The following USP11 variants were observed in gnomAD, a reference collection of about 807,000 sequenced individuals.
USP11 encodes the protein ubiquitin specific peptidase 11.
A neutral mutation model predicts 72.8 loss-of-function variants in USP11; 5 were observed. The ratio of observed to expected loss-of-function variants is 0.07; its 90% CI spans 0.04 to 0.14. USP11 has a LOEUF of 0.14. USP11 is among the 10% of genes least tolerant of loss of function. The pLI is 1.00. For synonymous variants in USP11, 368 were observed against 326.5 expected (o/e 1.13, Z -1.37); for missense variants, 480 against 794.7 (o/e 0.60, Z 4.76).
At chrX:47,233,872 T>C (rs2055358955) in intron 1 of USP11, 2 of 103,705 alleles carry the variant, frequency 1.9e-5, no homozygotes, top group Non-Finnish European at 4.1e-5. Context: ...CCGTGGTTTT[T>C]GATTCTGGCG....
chrX:47,242,388 TA>T (rs2055408063), intron 10 of USP11, 50 bp from the exon 11 acceptor site: 2 of 1,206,239 alleles, frequency 1.7e-6, no homozygotes, highest in African/African-American at 3.5e-5. Context: ...CTTCTTGCAT[TA>T]ACTCACCACA....
At chrX:47,242,821 C>T (rs1423162970) in intron 12 of USP11, 101 bp downstream of exon 12, 11 of 650,847 alleles carry the variant, frequency 1.7e-5, no homozygotes, top group Non-Finnish European at 2.5e-5. Flanking sequence ...CTGCCTCTGC[C>T]TCGTTCACTG....
In USP11 at chrX:47,244,556, G is replaced by A; in HGVS notation, c.1843+6G>A. On this transcript the variant is annotated splice_donor_region_variant and intron_variant, in intron 14 of 20. Transcript: ENST00000377107. ...GGACGATGGGGATGAGAAAGGTGAG[G>A]GGGCTAACAGTCAGTGGGCGGGGGC... 8.3e-7 allele frequency: 1 copy of A among 1,211,084 alleles called. No homozygotes were observed. The highest frequency in any genetic ancestry group is 2.2e-5 in the Admixed American group (1 of 45,940).
In USP11 at chrX:47,248,116, T is replaced by C; in HGVS notation, c.*186T>C. 1.6e-6 allele frequency: 1 copy of C among 635,746 alleles called. No individual in the cohort carries two copies. Among genetic ancestry groups the C allele is most frequent in the Non-Finnish European group, 2.3e-6 (1 of 437,907 alleles). The allele number at this position is 635,746 out of a possible 1,213,427, so 52.4% of individuals were successfully genotyped here. Reference sequence around the variant, plus strand: ...CCGGGAAAGAACAGGTCGTGTCTCCTCCTAGCAGTGCGCGCCCCGCCTGTG... The same window carrying C: ...CCGGGAAAGAACAGGTCGTGTCTCCCCCTAGCAGTGCGCGCCCCGCCTGTG... On this transcript the variant is annotated 3_prime_UTR_variant, in exon 21 of 21. Coordinates refer to ENST00000377107, the MANE Select transcript of USP11 (RefSeq NM_001371072.1).
At chrX:47,239,557 C>T in intron 3 of USP11, 76 bp downstream of exon 3, 1 of 1,169,314 alleles carries the variant, frequency 8.6e-7, no homozygotes, top group Non-Finnish European at 1.2e-6. Flanking sequence ...GGGTACAGAT[C>T]CATGTATGCT....
chrX:47,233,278 C>G (rs1335604720), intron 1 of USP11, 59 bp downstream of exon 1: 2 of 871,942 alleles, frequency 2.3e-6, no homozygotes, highest in African/African-American at 4.7e-5. Context: ...TTGACAACCG[C>G]TGGGGATTCG....
chrX:47,245,545 T>C (rs1233208853), intron 17 of USP11, 63 bp downstream of exon 17: 2 of 120,631 alleles, frequency 1.7e-5, no homozygotes, highest in Non-Finnish European at 3.0e-5. Flanking sequence ...TATATTTAGC[T>C]TTTTTTTTTT....
intron 4 of USP11, 41 bp downstream of exon 4, chrX:47,239,948 A>G (rs773096165): frequency 5.3e-6 from 6 of 1,122,461 alleles, no homozygotes; most frequent in South Asian, 1.8e-5. Context: ...GTTCCTAGCT[A>G]CTAGTCCCAA....
At chrX:47,244,202 G>A (rs1390113141) in intron 13 of USP11, among the ~76,000 whole-genome samples, 2 of 105,933 alleles carry the variant, frequency 1.9e-5, no homozygotes, top group African/African-American at 3.5e-5. Flanking sequence ...GGATTCAAGC[G>A]ATTCTCCTGC....
In USP11 at chrX:47,242,473, C is replaced by T. The variant is rs141092127; in HGVS notation, c.1439C>T (p.Ser480Leu). Reference sequence around the variant, plus strand: ...GTGGTCCCCAAGAAAGGCAAGATCTCGGATCTATGTGTGGCTCTGTCCAAA... The same window carrying T: ...GTGGTCCCCAAGAAAGGCAAGATCTTGGATCTATGTGTGGCTCTGTCCAAA... ...RLVVPKKGKI[S>L]DLCVALSKHT... The change falls in exon 11 of 21, where the codon TCG becomes TTG. Residue 480 changes from serine (S) to leucine (L), a missense_variant. Physicochemically the swap from Ser to Leu is moderately radical, Grantham distance 145. Around this residue, in one of 5 missense-constraint regions of USP11, gnomAD observed 314 missense variants for 556.0 expected, o/e 0.56. Transcript: ENST00000377107. 14 of 1,212,062 alleles carry T rather than the reference C, an allele frequency of 1.2e-5. No individual in the cohort carries two copies. Among genetic ancestry groups the T allele is most frequent in the Admixed American group, 4.3e-5 (2 of 46,084 alleles).
chrX:47,245,322 A>G (rs1365611457), intron 16 of USP11, 48 bp from the exon 17 acceptor site: 4 of 1,122,369 alleles, frequency 3.6e-6, no homozygotes, highest in Non-Finnish European at 4.9e-6. Context: ...CCATTTCTCC[A>G]TCTGTCCTCA....
chrX:47,243,044 A>G (rs1011015566), intron 12 of USP11, among the ~76,000 whole-genome samples: 6 of 111,758 alleles, frequency 5.4e-5, no homozygotes, highest in African/African-American at 2.0e-4. Context: ...CAGGCAGATC[A>G]CGAGGTCAGG....
At chrX:47,243,722 C>T in intron 13 of USP11, 120 bp downstream of exon 13, 2 of 709,003 alleles carry the variant, frequency 2.8e-6, no homozygotes, top group Admixed American at 3.3e-5. Context: ...CTTAACATGG[C>T]CATAGAAGAA....
chrX:47,240,185 T>TTGA (rs2055394771), intron 4 of USP11, 120 bp from the exon 5 acceptor site: 1 of 990,322 alleles, frequency 1.0e-6, no homozygotes, highest in Non-Finnish European at 1.4e-6. Context: ...TGGAGACTGA[T>TTGA]TGAGGACACA....
At chrX:47,243,351 C>G (rs372967384) in intron 12 of USP11, 45 bp from the exon 13 acceptor site, 1 of 1,196,755 alleles carries the variant, frequency 8.4e-7, no homozygotes, top group African/African-American at 1.7e-5. Context: ...GTCAGGGAGT[C>G]TCTGGGGGCC....
In USP11 at chrX:47,247,715, TAC is replaced by T; in HGVS notation, c.2625+17_2625+18del. On this transcript the variant is annotated intron_variant, in intron 20 of 20. Coordinates refer to ENST00000377107, the MANE Select transcript of USP11 (RefSeq NM_001371072.1). ...TCAGATCGAGGTGTGACTTCCATCC[TAC>T]CTCCTCCCCTTCTTCCTTTCTGATT... 2 of 1,209,519 alleles carry T rather than the reference TAC, an allele frequency of 1.7e-6. No homozygotes were observed. The highest frequency in any genetic ancestry group is 3.5e-5 in the South Asian group (2 of 56,885).
At chrX:47,238,543 A>G (rs1266478234) in intron 1 of USP11, among the ~76,000 whole-genome samples, 1 of 45,633 alleles carries the variant, frequency 2.2e-5, no homozygotes, top group Non-Finnish European at 4.1e-5. Context: ...AAACCTTATG[A>G]TTCTTTTTAG....
chrX:47,247,020 C>CAAAA, intron 17 of USP11, 52 bp from the exon 18 acceptor site: 1 of 993,360 alleles, frequency 1.0e-6, no homozygotes, highest in Non-Finnish European at 1.3e-6. Context: ...TTCTCTGTCT[C>CAAAA]AAAAAAAAAA....
At chrX:47,245,967 C>T (rs753728311) in intron 17 of USP11, among the ~76,000 whole-genome samples, 2 of 111,591 alleles carry the variant, frequency 1.8e-5, no homozygotes, top group Non-Finnish European at 3.8e-5. Flanking sequence ...GCTGTTCCTT[C>T]TCCAGGAATG....
Sources: allele counts gnomAD v4.1 joint callset (sites outside exome capture counted in the v4.1 genomes callset), GRCh38; gene constraint gnomAD v4.1.1; regional missense constraint gnomAD v4.1.1; transcripts MANE v1.5; gene names NCBI Gene and HGNC (gene_info 2026-07-23, HGNC 2026-07-21).